Variants in KIF15 observed in about 807,000 individuals in gnomAD.
The protein encoded by KIF15 is kinesin-like protein KIF15.
A neutral mutation model predicts 190.6 loss-of-function variants in KIF15; 140 were observed. The observed-to-expected ratio is 0.73, with a 90% CI of 0.64 to 0.84. The LOEUF (loss-of-function observed/expected upper bound fraction) is 0.84. Among genes scored for constraint, KIF15 ranks in the 40% least tolerant of loss-of-function variants. The pLI, the probability that KIF15 is intolerant of heterozygous loss-of-function variation, is 0.00. For synonymous variants in KIF15, 528 were observed against 551.3 expected, an observed-to-expected ratio of 0.96 and a Z score of 0.59; for missense variants, 1,372 against 1,584.4, an observed-to-expected ratio of 0.87 and a Z score of 2.28.
chr3:44,795,873 T>G (rs1293688273), intron 8 of KIF15, among the ~76,000 whole-genome samples: 2 of 152,080 alleles, frequency 1.3e-5, no homozygotes. Context: ...AGCTCATATT[T>G]TTTTGTTTTG....
intron 20 of KIF15, among the ~76,000 whole-genome samples, chr3:44,820,795 C>T (rs1708235499): frequency 6.6e-6 from 1 of 152,234 alleles, no homozygotes; most frequent in African/African-American, 2.4e-5. Flanking sequence ...ACTCTTTTCC[C>T]CACCTCTCCC....
At chr3:44,862,636 A>C (rs755381545) in intron 6 of KIF15, 2 of 152,366 alleles carry the variant, frequency 1.3e-5, no homozygotes, top group African/African-American at 4.8e-5. Context: ...TACTGTAGGC[A>C]TAAGAGGATA....
intron 16 of KIF15, among the ~76,000 whole-genome samples, chr3:44,807,799 T>TA (rs2125649994): frequency 6.6e-6 from 1 of 152,312 alleles, no homozygotes; most frequent in African/African-American, 2.4e-5. Context: ...TTTGATTTTT[T>TA]ATTTGTTTTG....
rs149513732 is a variant in KIF15 at position 44,794,328 on chromosome 3, A to C, written c.751A>C (p.Asn251His). The change falls in exon 8 of 35, where the codon AAT becomes CAT. Residue 251 changes from asparagine to histidine, a missense_variant. Transcript: ENST00000326047. ...TACAATAGAGTCAATGGAGAAAAGT[A>C]ATGAGATTGTGAATATACGGACCTC... ...TITIESMEKSNEIVNIRTSLL... is the reference protein window; with the variant it reads ...TITIESMEKSHEIVNIRTSLL... The C allele has an allele frequency of 6.2e-7, 1 of 1,614,048 alleles. No homozygotes were observed. The highest frequency in any genetic ancestry group is 1.3e-5 in the African/African-American group (1 of 75,058).
At chr3:44,781,804 C>T (rs533628404) in intron 5 of KIF15, among the ~76,000 whole-genome samples, 5 of 152,196 alleles carry the variant, frequency 3.3e-5, no homozygotes, top group Admixed American at 2.0e-4. Flanking sequence ...AGGTTTAATT[C>T]GATATATCAA....
At chr3:44,842,571 A>G (rs977469664) in intron 29 of KIF15, among the ~76,000 whole-genome samples, 3 of 152,212 alleles carry the variant, frequency 2.0e-5, no homozygotes, top group Admixed American at 2.0e-4. Context: ...TCAGTATGCT[A>G]TCTCAGGAAT....
At position 44,834,865 on chromosome 3, in the gene KIF15, A is replaced by G. The variant is rs1310532573; in HGVS notation, c.3172-3410A>G. On this transcript the variant is annotated intron_variant, in intron 26 of 34. Coordinates refer to ENST00000326047, the MANE Select transcript of KIF15 (RefSeq NM_020242.3). The stretch of plus-strand genomic sequence containing the variant: ...GGAGAATCGCTGGAACCTAGGAGGC[A>G]GAGGTTGCAGTGAGCCAAGATCGCG... Among the ~76,000 whole-genome samples the G allele has an allele frequency of 3.3e-5, 5 of 151,700 alleles. 1 individual carries two copies. In the South Asian group the frequency reaches 6.2e-4, roughly 19 times the overall value.
chr3:44,820,337 C>CTT (rs1559563132), intron 20 of KIF15, among the ~76,000 whole-genome samples: 1 of 143,478 alleles, frequency 7.0e-6, no homozygotes, highest in African/African-American at 2.6e-5. Flanking sequence ...TTTTTTTTTT[C>CTT]CTTTTTTTTT....
At chr3:44,812,750 C>T (rs1707844590) in intron 18 of KIF15, among the ~76,000 whole-genome samples, 1 of 152,164 alleles carries the variant, frequency 6.6e-6, no homozygotes, top group Non-Finnish European at 1.5e-5. Context: ...TTTGGGAAGC[C>T]AAGGCAGGTG....
intron 2 of KIF15, 83 bp downstream of exon 2, chr3:44,774,520 G>A (rs766801216): frequency 9.0e-6 from 11 of 1,222,934 alleles, no homozygotes; most frequent in Non-Finnish European, 1.3e-5. Context: ...ATAGTAAAGA[G>A]TACTTATTTC....
At chr3:44,789,966 A>G (rs142296366) in intron 7 of KIF15, among the ~76,000 whole-genome samples, 90 of 152,236 alleles carry the variant, frequency 5.9e-4, no homozygotes, top group Middle Eastern at 3.4e-3. Flanking sequence ...AACTAAGATA[A>G]TTATTTACCC....
At chr3:44,798,034 C>T (rs967877082) in intron 10 of KIF15, 78 bp downstream of exon 10, 2 of 1,249,190 alleles carry the variant, frequency 1.6e-6, no homozygotes, top group Admixed American at 5.5e-5. Flanking sequence ...TGTGATTGCC[C>T]TAATATTAAC....
At chr3:44,799,251 A>C in intron 10 of KIF15, 1 of 456,706 alleles carries the variant, frequency 2.2e-6, no homozygotes, top group Non-Finnish European at 4.4e-6. Flanking sequence ...TTAACACACA[A>C]AAGAACAAAA....
At chr3:44,824,205 G>C (rs1697524063) in intron 20 of KIF15, among the ~76,000 whole-genome samples, 1 of 152,198 alleles carries the variant, frequency 6.6e-6, no homozygotes, top group African/African-American at 2.4e-5. Context: ...AATGAACATA[G>C]CATTTTAAAA....
chr3:44,857,149 G>A (rs575731608), downstream of KIF15, among the ~76,000 whole-genome samples: 3 of 152,298 alleles, frequency 2.0e-5, no homozygotes, highest in South Asian at 6.2e-4. Context: ...CAGTCATGGG[G>A]GTCTAGTTTG....
At chr3:44,824,731 A>G (rs1487960287) in intron 20 of KIF15, among the ~76,000 whole-genome samples, 2 of 152,056 alleles carry the variant, frequency 1.3e-5, no homozygotes, top group Admixed American at 6.6e-5. Flanking sequence ...CTTAAATTCT[A>G]TTTTCATCAT....
At position 44,761,809 on chromosome 3, in the gene KIF15, A is replaced by T; in HGVS notation, c.-57A>T. On this transcript the variant is annotated 5_prime_UTR_variant, in exon 1 of 35. Transcript: ENST00000326047. ...GGCGGAATTCAGTCGCGCGCGGTGC[A>T]GTCGGGAGGTGGAGGCACCGGCTGC... 6.2e-7 allele frequency: 1 copy of T among 1,613,208 alleles called. No homozygotes were observed. The highest frequency in any genetic ancestry group is 8.5e-7 in the Non-Finnish European group (1 of 1,179,172).
Position 44,843,205 on chromosome 3 carries a change from GGAT to G in KIF15, c.3670_3672del (p.Asp1224del). The G allele has an allele frequency of 1.2e-6, 2 of 1,612,942 alleles. No individual in the cohort carries two copies. Among genetic ancestry groups the G allele is most frequent in the Non-Finnish European group, 1.7e-6 (2 of 1,179,340 alleles). ...AAAACTGGCTCCTGCAAGGTCAGCT[GGAT>G]GATATTAAAAGACAAAAGGAAAACA... On this transcript the variant is annotated inframe_deletion, in exon 30 of 35. Coordinates refer to ENST00000326047, the MANE Select transcript of KIF15 (RefSeq NM_020242.3).
chr3:44,864,977 A>G, intron 6 of KIF15: 10 of 1,602,282 alleles, frequency 6.2e-6, no homozygotes. Flanking sequence ...AGTCAGTCCC[A>G]GGAGAGTGAG....
Sources: allele counts gnomAD v4.1 joint callset (sites outside exome capture counted in the v4.1 genomes callset), GRCh38; gene constraint gnomAD v4.1.1; transcripts MANE v1.5; gene names NCBI Gene and HGNC (gene_info 2026-07-23, HGNC 2026-07-21).